The following FOXP1 variants were observed in gnomAD, a reference collection of about 807,000 sequenced individuals.
The protein encoded by FOXP1 is forkhead box P1.
In FOXP1, 15 loss-of-function variants were observed where a neutral mutation model predicts 98.2. The observed-to-expected ratio is 0.15, with a 90% CI of 0.10 to 0.24. The LOEUF (loss-of-function observed/expected upper bound fraction) is 0.24, where lower values mean the gene tolerates loss of function less well. FOXP1 is among the 10% of genes least tolerant of loss of function. The pLI is 1.00. For synonymous variants in FOXP1, 371 were observed against 314.5 expected, an observed-to-expected ratio of 1.18 and a Z score of -1.90; for missense variants, 633 against 848.5, an observed-to-expected ratio of 0.75 and a Z score of 3.15.
chr3:71,393,332 C>G (rs1302976781), intron 3 of FOXP1, among the ~76,000 whole-genome samples: 2 of 151,028 alleles, frequency 1.3e-5, no homozygotes, highest in Non-Finnish European at 3.0e-5. Flanking sequence ...TTTTTGTCTC[C>G]TGGTCTTTAC....
At chr3:71,011,458 A>T (rs1559714506) in intron 12 of FOXP1, among the ~76,000 whole-genome samples, 1 of 152,150 alleles carries the variant, frequency 6.6e-6, no homozygotes, top group Non-Finnish European at 1.5e-5. Context: ...CCACTTGGAA[A>T]GAGCCCCCAG....
intron 3 of FOXP1, among the ~76,000 whole-genome samples, chr3:71,407,678 G>A (rs928071714): frequency 6.6e-6 from 1 of 151,786 alleles, no homozygotes; most frequent in Non-Finnish European, 1.5e-5. Flanking sequence ...GTGTGTGTGT[G>A]TATACATCTT....
At chr3:71,148,090 AT>A (rs1321871485) in intron 6 of FOXP1, among the ~76,000 whole-genome samples, 2 of 152,226 alleles carry the variant, frequency 1.3e-5, no homozygotes, top group Non-Finnish European at 2.9e-5. Context: ...GAAAATACAA[AT>A]GTCGGCCAGG....
intron 3 of FOXP1, among the ~76,000 whole-genome samples, chr3:71,456,156 T>C (rs137897001): frequency 3.3e-5 from 5 of 152,266 alleles, no homozygotes; most frequent in African/African-American, 1.2e-4. Context: ...GCAACAGCCC[T>C]TCCCTAGCAA....
intron 2 of FOXP1, among the ~76,000 whole-genome samples, chr3:71,556,135 A>T (rs1223837486): frequency 2.6e-5 from 4 of 152,180 alleles, no homozygotes; most frequent in Non-Finnish European, 5.9e-5. Flanking sequence ...ACTTCTAATA[A>T]ATCAAACATC....
intron 3 of FOXP1, among the ~76,000 whole-genome samples, chr3:71,436,665 G>A (rs541096239): frequency 9.9e-5 from 15 of 152,024 alleles, no homozygotes; most frequent in South Asian, 8.3e-4. Flanking sequence ...GATTCACTAA[G>A]CCAACAGCAC....
chr3:70,956,374 A>G lies in FOXP1; in HGVS notation c.*2873T>C. The G allele has an allele frequency of 4.3e-6, 1 of 232,852 alleles. No homozygotes were observed. The allele number at this position is 232,852 out of a possible 1,614,324, so 14.4% of individuals were successfully genotyped here. On this transcript the variant is annotated 3_prime_UTR_variant, in exon 21 of 21. Transcript: ENST00000649528. ...TTTTTTTTTCAGTTGGTTCTTCTGC[A>G]AGGCTGTGATACCTGCAAAGATATG...
intron 3 of FOXP1, among the ~76,000 whole-genome samples, chr3:71,370,799 T>TG (rs1553861207): frequency 7.9e-5 from 2 of 25,266 alleles, no homozygotes; most frequent in Non-Finnish European, 2.1e-4. Context: ...TTTTTTGTTG[T>TG]TTTTTTTTTT....
intron 3 of FOXP1, among the ~76,000 whole-genome samples, chr3:71,371,074 C>T (rs1419292368): frequency 3.9e-5 from 6 of 152,034 alleles, no homozygotes; most frequent in Admixed American, 6.6e-5. Context: ...TGAACCACTG[C>T]GCCTGGCCCC....
intron 1 of FOXP1, chr3:71,582,583 GA>G: frequency 1.0e-6 from 1 of 985,456 alleles, no homozygotes; most frequent in Middle Eastern, 5.2e-4. Flanking sequence ...CGGAGCTTGG[GA>G]AATCTCCCCG....
At chr3:70,967,687 G>GTTTTTTTTTTTGTTTTT (rs2035151049) in intron 19 of FOXP1, among the ~76,000 whole-genome samples, 1 of 61,358 alleles carries the variant, frequency 1.6e-5, no homozygotes, top group African/African-American at 5.7e-5. Flanking sequence ...ACTATTATTT[G>GTTTTTTTTTTTGTTTTT]TTTTTTTTTT....
chr3:70,967,225 AAAGT>A (rs1266136631), intron 19 of FOXP1, among the ~76,000 whole-genome samples: 1 of 152,210 alleles, frequency 6.6e-6, no homozygotes, highest in Non-Finnish European at 1.5e-5. Context: ...CTCTAGAAAG[AAAGT>A]AAAAGCCAAA....
intron 2 of FOXP1, among the ~76,000 whole-genome samples, chr3:71,539,793 T>C (rs1280841606): frequency 6.6e-6 from 1 of 152,180 alleles, no homozygotes; most frequent in Non-Finnish European, 1.5e-5. Flanking sequence ...TTGTAGAAAG[T>C]CAATCAGTAG....
At chr3:71,309,807 T>C (rs998356099) in intron 4 of FOXP1, among the ~76,000 whole-genome samples, 1 of 152,024 alleles carries the variant, frequency 6.6e-6, no homozygotes, top group Admixed American at 6.5e-5. Flanking sequence ...CTCACCATGA[T>C]AAAAATGTTC....
intron 2 of FOXP1, among the ~76,000 whole-genome samples, chr3:71,537,747 G>A (rs1179784917): frequency 6.6e-6 from 1 of 152,190 alleles, no homozygotes; most frequent in Non-Finnish European, 1.5e-5. Context: ...AAAGCTTTTT[G>A]TAGCAACAGC....
At chr3:71,412,910 G>A (rs562086023) in intron 3 of FOXP1, among the ~76,000 whole-genome samples, 10 of 152,188 alleles carry the variant, frequency 6.6e-5, no homozygotes, top group South Asian at 2.1e-4. Flanking sequence ...TAGGCTAACC[G>A]GCTGGAGAAT....
At chr3:71,232,942 T>TACCACC (rs752937811) in intron 5 of FOXP1, among the ~76,000 whole-genome samples, 1 of 135,938 alleles carries the variant, frequency 7.4e-6, no homozygotes, top group African/African-American at 2.7e-5. Flanking sequence ...ACAATACTAC[T>TACCACC]ACCACCACCA....
At chr3:71,532,648 A>G (rs1350577689) in intron 2 of FOXP1, among the ~76,000 whole-genome samples, 2 of 152,192 alleles carry the variant, frequency 1.3e-5, no homozygotes, top group African/African-American at 2.4e-5. Flanking sequence ...TCCATGCCCA[A>G]CTGTGCAGAC....
chr3:71,315,580 A>G (rs1028308268), intron 4 of FOXP1, among the ~76,000 whole-genome samples: 13 of 152,328 alleles, frequency 8.5e-5, no homozygotes, highest in Non-Finnish European at 1.6e-4. Context: ...TCTTAGAGCT[A>G]AAATGTGCCT....
Sources: allele counts gnomAD v4.1 joint callset (sites outside exome capture counted in the v4.1 genomes callset), GRCh38; gene constraint gnomAD v4.1.1; transcripts MANE v1.5; gene names NCBI Gene and HGNC (gene_info 2026-07-23, HGNC 2026-07-21).